AGPAT4: variants seen among roughly 807,000 people sequenced by gnomAD.
AGPAT4 encodes 1-acylglycerol-3-phosphate O-acyltransferase 4, also known as 1-acyl-sn-glycerol-3-phosphate acyltransferase delta.
A neutral mutation model predicts 48.0 loss-of-function variants in AGPAT4; 15 were observed. The ratio of observed to expected loss-of-function variants is 0.31; its 90% CI spans 0.21 to 0.48. The LOEUF (loss-of-function observed/expected upper bound fraction) is 0.48, where lower values mean the gene tolerates loss of function less well. Among genes scored for constraint, AGPAT4 ranks in the 20% least tolerant of loss-of-function variants. The pLI is 0.99. For synonymous variants in AGPAT4, 178 were observed against 198.7 expected, an observed-to-expected ratio of 0.90 and a Z score of 0.88; for missense variants, 314 against 482.5, an observed-to-expected ratio of 0.65 and a Z score of 3.27.
Position 161,169,511 on chromosome 6 carries a change from G to C in AGPAT4, c.179-3094C>G, listed in dbSNP as rs1469188980. On this transcript the variant is annotated intron_variant, in intron 2 of 8. Transcript: ENST00000320285. The surrounding 1 kb of genome is among the most constrained non-coding windows in gnomAD (Gnocchi z 5.0). ...AGATGGTGTGTCACTCTGTCATCCAGGCTGGAGTGCAGTGGCCCAATCATA... is the reference window on the plus strand; with the variant it reads ...AGATGGTGTGTCACTCTGTCATCCACGCTGGAGTGCAGTGGCCCAATCATA... Among the ~76,000 whole-genome samples, 2 of 152,072 alleles carry C rather than the reference G, an allele frequency of 1.3e-5. No homozygotes were observed. Among genetic ancestry groups the C allele is most frequent in the East Asian group, 3.9e-4 (2 of 5,170 alleles).
intron 2 of AGPAT4, among the ~76,000 whole-genome samples, chr6:161,192,804 T>A (rs1410341990): frequency 7.2e-5 from 11 of 152,230 alleles, no homozygotes; most frequent in African/African-American, 2.7e-4. Flanking sequence ...TAGAACTTCT[T>A]TTTCTTTCAG....
chr6:161,237,795 A>G (rs1443966054), intron 1 of AGPAT4, among the ~76,000 whole-genome samples: 1 of 152,088 alleles, frequency 6.6e-6, no homozygotes, highest in African/African-American at 2.4e-5. Context: ...TTCTGAGCAC[A>G]GAACTGGACA....
At position 161,200,301 on chromosome 6, in the gene AGPAT4, T is replaced by C. The variant is rs1384920901; in HGVS notation, c.178+31735A>G. Among the ~76,000 whole-genome samples, 1 of 152,228 alleles carries C rather than the reference T, an allele frequency of 6.6e-6. No homozygotes were observed. Among genetic ancestry groups the C allele is most frequent in the Non-Finnish European group, 1.5e-5 (1 of 68,044 alleles). On this transcript the variant is annotated intron_variant, in intron 2 of 8. Transcript: ENST00000320285. This position sits in a 1 kb window ranked among gnomAD's most constrained non-coding sequence, Gnocchi z 5.5. Reference sequence around the variant, plus strand: ...ACTCATGTAGAAAGCATTCGATAAGTGTTAACTAATATTTCACATTAAGGC... The same window carrying C: ...ACTCATGTAGAAAGCATTCGATAAGCGTTAACTAATATTTCACATTAAGGC...
In AGPAT4 at chr6:161,166,323, G is replaced by A. The variant is rs758554938; in HGVS notation, c.273C>T (p.Ile91=). Residue 91 remains isoleucine (I), a synonymous_variant, in exon 3 of 9, where the codon ATC becomes ATT. Coordinates refer to ENST00000320285, the MANE Select transcript of AGPAT4 (RefSeq NM_020133.3). The surrounding 1 kb of genome is among the most constrained non-coding windows in gnomAD (Gnocchi z 6.7). ...TTTCAAACTTGTGGTTGAGAACCAC[G>A]ATGGCATTTTCCTTCCCATACTTGA... ...AYLKYGKENA[I]VVLNHKFEID... is the part of the protein sequence containing the mutation. The A allele has an allele frequency of 5.6e-6, 9 of 1,614,054 alleles. No individual in the cohort carries two copies. The highest frequency in any genetic ancestry group is 4.0e-5 in the African/African-American group (3 of 74,914).
At position 161,197,359 on chromosome 6, in the gene AGPAT4, G is replaced by A. The variant is rs376334800; in HGVS notation, c.179-30942C>T. ...CTCTAAGTGATTCTTGATGGAGTAA[G>A]TACACCTGCTTATGTTTATTTCTTA... On this transcript the variant is annotated intron_variant, in intron 2 of 8. Transcript: ENST00000320285. The surrounding 1 kb of genome is among the most constrained non-coding windows in gnomAD (Gnocchi z 5.7). Among the ~76,000 whole-genome samples the A allele has an allele frequency of 6.6e-6, 1 of 152,154 alleles. No homozygotes were observed. The highest frequency in any genetic ancestry group is 2.4e-5 in the African/African-American group (1 of 41,438).
chr6:161,171,181 G>A lies in AGPAT4; in HGVS notation c.179-4764C>T, dbSNP rs1169231458. On this transcript the variant is annotated intron_variant, in intron 2 of 8. Transcript: ENST00000320285. The surrounding 1 kb of genome is among the most constrained non-coding windows in gnomAD (Gnocchi z 4.4). The stretch of plus-strand genomic sequence containing the variant: ...GTTGAGAGTTTCAGGTTGCAATCCT[G>A]TAACTAGCGTTACAATGCCAGGAGC... Among the ~76,000 whole-genome samples the A allele has an allele frequency of 6.6e-6, 1 of 152,218 alleles. No homozygotes were observed. The highest frequency in any genetic ancestry group is 1.9e-4 in the East Asian group (1 of 5,194).
chr6:161,140,692 C>T lies in AGPAT4; in HGVS notation c.844-1072G>A, dbSNP rs1005628064. Among the ~76,000 whole-genome samples, 1 of 152,196 alleles carries T rather than the reference C, an allele frequency of 6.6e-6. No homozygotes were observed. The highest frequency in any genetic ancestry group is 2.4e-5 in the African/African-American group (1 of 41,464). The stretch of plus-strand genomic sequence containing the variant: ...TGGGGGGAACAAGGAGCTGTGGCAC[C>T]AGGATGCCCGCTGGCCCGTCTAAGG... On this transcript the variant is annotated intron_variant, in intron 7 of 8. Transcript: ENST00000320285. The surrounding 1 kb of genome is among the most constrained non-coding windows in gnomAD (Gnocchi z 6.5).
chr6:161,150,027 A>C (rs951451985), intron 5 of AGPAT4, among the ~76,000 whole-genome samples: 2 of 152,238 alleles, frequency 1.3e-5, no homozygotes, highest in African/African-American at 4.8e-5. Flanking sequence ...CAGCATAACC[A>C]TTCTATGAGC....
rs71565797 is a variant in AGPAT4 at position 161,201,917 on chromosome 6, G to T, written c.178+30119C>A. Among the ~76,000 whole-genome samples the T allele has an allele frequency of 0.064, 9,732 of 152,196 alleles. 391 individuals are homozygous for T. Among genetic ancestry groups the T allele is most frequent in the Middle Eastern group, 0.082 (24 of 294 alleles). On this transcript the variant is annotated intron_variant, in intron 2 of 8. Coordinates refer to ENST00000320285, the MANE Select transcript of AGPAT4 (RefSeq NM_020133.3). This position sits in a 1 kb window ranked among gnomAD's most constrained non-coding sequence, Gnocchi z 6.0. ...GGATATGCCAATGTTCACATTAGAT[G>T]TGTGAACTTTGATATGCCAAGTAGG...
rs1371354224 is a variant in AGPAT4, at chr6:161,216,021, G to A, written c.178+16015C>T. ...TCACACATACTTGCCTCTCTTAACC[G>A]CACCATGTCCAGTTGACGAGGATTA... On this transcript the variant is annotated intron_variant, in intron 2 of 8. Coordinates refer to ENST00000320285, the MANE Select transcript of AGPAT4 (RefSeq NM_020133.3). The surrounding 1 kb of genome is among the most constrained non-coding windows in gnomAD (Gnocchi z 4.8). Among the ~76,000 whole-genome samples the A allele has an allele frequency of 2.0e-5, 3 of 152,110 alleles. No individual in the cohort carries two copies. Among genetic ancestry groups the A allele is most frequent in the Non-Finnish European group, 4.4e-5 (3 of 68,036 alleles).
Position 161,240,122 on chromosome 6 carries a change from G to A in AGPAT4, c.-89-7820C>T, listed in dbSNP as rs1054119356. Among the ~76,000 whole-genome samples, 25 of 151,704 alleles carry A rather than the reference G, an allele frequency of 1.6e-4. No homozygotes were observed. Among genetic ancestry groups the A allele is most frequent in the African/African-American group, 5.8e-4 (24 of 41,346 alleles). ...ATTTTCATTATGATATTAAGTGACA[G>A]GATACAAAATCATGTGGAGAAAATA... is the stretch of plus-strand genomic sequence containing the variant. On this transcript the variant is annotated intron_variant, in intron 1 of 8. Transcript: ENST00000320285. This position sits in a 1 kb window ranked among gnomAD's most constrained non-coding sequence, Gnocchi z 5.5.
In AGPAT4 at chr6:161,130,684, G is replaced by A. The variant is rs759069659; in HGVS notation, c.*5856C>T. The A allele has an allele frequency of 2.1e-4, 67 of 316,892 alleles. No individual in the cohort carries two copies. The highest frequency in any genetic ancestry group is 3.6e-4 in the Non-Finnish European group (56 of 154,692). 19.6% of individuals were successfully genotyped at this position (316,892 alleles called of 1,614,324 possible). On this transcript the variant is annotated 3_prime_UTR_variant, in exon 9 of 9. Coordinates refer to ENST00000320285, the MANE Select transcript of AGPAT4 (RefSeq NM_020133.3). ...CATCTCCCGTGAACATCTGTTGACT[G>A]TGGGCGGCCTGGGCCAGCCTTGCTG...
Position 161,136,612 on chromosome 6 carries a change from C to T in AGPAT4, c.1065G>A (p.Met355Ile). 1 of 1,614,210 alleles carries T rather than the reference C, an allele frequency of 6.2e-7. No homozygotes were observed. Among genetic ancestry groups the T allele is most frequent in the Non-Finnish European group, 8.5e-7 (1 of 1,180,026 alleles). The stretch of plus-strand genomic sequence containing the variant: ...CCTTGTCAATTTCCGTCACACCAAT[C>T]ATCCATCGAACTCCCACGGAGGCTG... ...FFVASVGVRW[M>I]IGVTEIDKGS... is the part of the protein sequence containing the mutation. Residue 355 changes from methionine (M) to isoleucine (I), a missense_variant, in exon 9 of 9, where the codon ATG becomes ATA. Coordinates refer to ENST00000320285, the MANE Select transcript of AGPAT4 (RefSeq NM_020133.3).
At chr6:161,253,630 T>C (rs1367532632) in intron 1 of AGPAT4, among the ~76,000 whole-genome samples, 3 of 149,864 alleles carry the variant, frequency 2.0e-5, no homozygotes, top group Non-Finnish European at 4.4e-5. Flanking sequence ...AATATTTTAT[T>C]TGTAATATAA....
chr6:161,253,544 G>A (rs568914810), intron 1 of AGPAT4, among the ~76,000 whole-genome samples: 529 of 151,616 alleles, frequency 3.5e-3, no homozygotes, highest in African/African-American at 0.012. Context: ...ATGAGCCACC[G>A]CACCCAGCCA....
Position 161,261,387 on chromosome 6 carries a change from A to C in AGPAT4, c.-90+12551T>G, listed in dbSNP as rs1783095819. Among the ~76,000 whole-genome samples, 1 of 152,208 alleles carries C rather than the reference A, an allele frequency of 6.6e-6. No homozygotes were observed. Among genetic ancestry groups the C allele is most frequent in the African/African-American group, 2.4e-5 (1 of 41,456 alleles). The stretch of plus-strand genomic sequence containing the variant: ...ATCCCACGAAGCAGGCTTCCTCAGG[A>C]GCTGAGTGTCTTTCACCATCATATC... On this transcript the variant is annotated intron_variant, in intron 1 of 8. Coordinates refer to ENST00000320285, the MANE Select transcript of AGPAT4 (RefSeq NM_020133.3). This position sits in a 1 kb window ranked among gnomAD's most constrained non-coding sequence, Gnocchi z 5.3.
In AGPAT4 at chr6:161,169,096, T is replaced by G. The variant is rs73015452; in HGVS notation, c.179-2679A>C. Among the ~76,000 whole-genome samples, 479 of 151,218 alleles carry G rather than the reference T, an allele frequency of 3.2e-3. 2 individuals are homozygous for G. Among genetic ancestry groups the G allele is most frequent in the Non-Finnish European group, 5.1e-3 (346 of 67,754 alleles). ...TGACCACTGAAGGGGAGAGGAAGGG[T>G]GGGGAGGAGACAGAGGCAGATGGAG... is the stretch of plus-strand genomic sequence containing the variant. On this transcript the variant is annotated intron_variant, in intron 2 of 8. Coordinates refer to ENST00000320285, the MANE Select transcript of AGPAT4 (RefSeq NM_020133.3). This position sits in a 1 kb window ranked among gnomAD's most constrained non-coding sequence, Gnocchi z 5.0.
chr6:161,248,750 G>C (rs1230381464), intron 1 of AGPAT4, among the ~76,000 whole-genome samples: 1 of 152,056 alleles, frequency 6.6e-6, no homozygotes, highest in Non-Finnish European at 1.5e-5. Flanking sequence ...ACTGCCCAAA[G>C]TAATTTACAG....
chr6:161,156,499 T>A (rs556019102), intron 3 of AGPAT4, among the ~76,000 whole-genome samples: 3 of 152,380 alleles, frequency 2.0e-5, no homozygotes, highest in African/African-American at 7.2e-5. Context: ...TTGTTTTCTA[T>A]GACTGTGTAA....
Sources: allele counts gnomAD v4.1 joint callset (sites outside exome capture counted in the v4.1 genomes callset), GRCh38; gene constraint gnomAD v4.1.1; non-coding constraint Gnocchi (gnomAD v3.1); transcripts MANE v1.5; gene names NCBI Gene and HGNC (gene_info 2026-07-23, HGNC 2026-07-21).